The following SDK1 variants were observed in gnomAD, a reference collection of about 807,000 sequenced individuals.
SDK1 encodes protein sidekick-1.
Under a neutral mutation model 245.5 loss-of-function variants are expected in SDK1, and 157 were observed. That is an observed-to-expected ratio of 0.64 (90% CI 0.56 to 0.73). The LOEUF is 0.73. Ranked by LOEUF, SDK1 falls within the 30% of genes least tolerant of loss-of-function variation. The probability of loss-of-function intolerance (pLI) is 0.00; values close to 1 mark genes in which losing one functional copy is unlikely to be tolerated. For synonymous variants in SDK1, 1,647 were observed against 1,278.5 expected (o/e 1.29, Z -6.15); for missense variants, 3,583 against 3,002.3 (o/e 1.19, Z -4.52).
chr7:4,227,474 C>T (rs572745721), intron 40 of SDK1: 32 of 468,626 alleles, frequency 6.8e-5, no homozygotes, highest in African/African-American at 5.4e-4. Flanking sequence ...GTTTAAGCGC[C>T]ACCAGCTTCA....
intron 1 of SDK1, among the ~76,000 whole-genome samples, chr7:3,611,097 G>A (rs1035433060): frequency 7.2e-5 from 11 of 152,192 alleles, no homozygotes; most frequent in African/African-American, 2.7e-4. Context: ...CAAGGCAGTA[G>A]TAGAGAGAGA....
At chr7:3,959,833 T>A (rs1032636211) in intron 8 of SDK1, among the ~76,000 whole-genome samples, 2 of 152,176 alleles carry the variant, frequency 1.3e-5, no homozygotes, top group South Asian at 4.2e-4. Context: ...CCCCTTTTCC[T>A]TTGCCATTCA....
At position 4,267,734 on chromosome 7, in the gene SDK1, C is replaced by G. The variant is rs1788556769; in HGVS notation, c.*2350C>G. On this transcript the variant is annotated 3_prime_UTR_variant, in exon 45 of 45. Transcript: ENST00000404826. Reference sequence around the variant, plus strand: ...TCGGGTTTTCGATACAACATCATGACACTTCTGTTTCAAGCTCATGTTTTC... The same window carrying G: ...TCGGGTTTTCGATACAACATCATGAGACTTCTGTTTCAAGCTCATGTTTTC... 1.1e-5 allele frequency: 11 copies of G among 985,468 alleles called. No homozygotes were observed. Among genetic ancestry groups the G allele is most frequent in the Non-Finnish European group, 1.3e-5 (11 of 829,970 alleles). The allele number at this position is 985,468 out of a possible 1,614,324, so 61.0% of individuals were successfully genotyped here.
intron 44 of SDK1, among the ~76,000 whole-genome samples, chr7:4,248,930 T>G (rs955791643): frequency 1.4e-5 from 2 of 147,550 alleles, no homozygotes; most frequent in Non-Finnish European, 2.9e-5. Flanking sequence ...TACACATATG[T>G]ACATACATGC....
chr7:3,762,176 A>G (rs537119218), intron 4 of SDK1, among the ~76,000 whole-genome samples: 8 of 152,328 alleles, frequency 5.3e-5, no homozygotes, highest in East Asian at 3.9e-4. Flanking sequence ...TCCTACAACA[A>G]TCCTTTCAGC....
At chr7:3,605,277 G>C (rs893802024) in intron 1 of SDK1, among the ~76,000 whole-genome samples, 2 of 152,188 alleles carry the variant, frequency 1.3e-5, no homozygotes, top group African/African-American at 4.8e-5. Flanking sequence ...AGGCTGTCAG[G>C]AAGTTTTTAC....
intron 35 of SDK1, among the ~76,000 whole-genome samples, chr7:4,195,404 C>G (rs1783518253): frequency 6.6e-6 from 1 of 152,174 alleles, no homozygotes; most frequent in Non-Finnish European, 1.5e-5. Flanking sequence ...CCGCTTCTCT[C>G]TGGGGTTTCT....
At chr7:3,538,570 C>A (rs1280935060) in intron 1 of SDK1, among the ~76,000 whole-genome samples, 1 of 152,198 alleles carries the variant, frequency 6.6e-6, no homozygotes. Context: ...CCCCACTTAC[C>A]TAGGCAGGCC....
At chr7:3,537,866 T>G (rs1315513021) in intron 1 of SDK1, among the ~76,000 whole-genome samples, 1 of 152,172 alleles carries the variant, frequency 6.6e-6, no homozygotes, top group Non-Finnish European at 1.5e-5. Context: ...CGTGCACAAA[T>G]CCAGGTAATC....
At chr7:4,096,065 C>A (rs1288901256) in intron 22 of SDK1, among the ~76,000 whole-genome samples, 1 of 152,228 alleles carries the variant, frequency 6.6e-6, no homozygotes, top group African/African-American at 2.4e-5. Context: ...TGAAATGTAG[C>A]TGTAAAGCGT....
intron 1 of SDK1, among the ~76,000 whole-genome samples, chr7:3,306,533 T>C (rs1476944464): frequency 1.3e-5 from 2 of 152,212 alleles, no homozygotes; most frequent in African/African-American, 4.8e-5. Flanking sequence ...TTTTATTAGT[T>C]TGCCTTAGCA....
At chr7:3,601,087 T>C (rs2128638750) in intron 1 of SDK1, among the ~76,000 whole-genome samples, 1 of 152,270 alleles carries the variant, frequency 6.6e-6, no homozygotes, top group South Asian at 2.1e-4. Flanking sequence ...CTTAGTTGCA[T>C]ATACGTTATT....
chr7:3,437,755 A>C (rs1327774826), intron 1 of SDK1, among the ~76,000 whole-genome samples: 1 of 152,204 alleles, frequency 6.6e-6, no homozygotes, highest in Non-Finnish European at 1.5e-5. Context: ...TCTCTGCCAA[A>C]AAATTAATAA....
intron 1 of SDK1, among the ~76,000 whole-genome samples, chr7:3,362,377 G>C (rs77099430): frequency 0.011 from 1,698 of 152,140 alleles, 44 homozygotes; most frequent in African/African-American, 0.039. Flanking sequence ...TTCTCTTTTT[G>C]TTATCGTGGT....
At chr7:3,885,455 A>C (rs549932241) in intron 5 of SDK1, among the ~76,000 whole-genome samples, 2 of 152,112 alleles carry the variant, frequency 1.3e-5, no homozygotes, top group South Asian at 4.2e-4. Flanking sequence ...TGTTTATTGT[A>C]CGTTATTATC....
intron 35 of SDK1, among the ~76,000 whole-genome samples, chr7:4,193,595 G>C (rs957875330): frequency 6.6e-6 from 1 of 151,478 alleles, no homozygotes; most frequent in African/African-American, 2.4e-5. Context: ...ATTCTTTTTC[G>C]GTCCATGCCC....
At position 3,409,503 on chromosome 7, in the gene SDK1, T is replaced by A. The variant is rs370519142; in HGVS notation, c.298+107619T>A. ...TACTGCTTCTATTTTCATCAAATTT[T>A]ATACAAATTACACCGTTTTTCCGCA... On this transcript the variant is annotated intron_variant, in intron 1 of 44. Transcript: ENST00000404826. Among the ~76,000 whole-genome samples the A allele has an allele frequency of 3.9e-5, 6 of 152,192 alleles. No individual in the cohort carries two copies. The East Asian group carries it at 1.2e-3, about 29-fold the overall frequency.
intron 1 of SDK1, among the ~76,000 whole-genome samples, chr7:3,536,576 C>G (rs1353016452): frequency 6.6e-6 from 1 of 151,936 alleles, no homozygotes; most frequent in Non-Finnish European, 1.5e-5. Flanking sequence ...CCCCTGTGAT[C>G]CCAGCTACTT....
chr7:3,588,423 A>G (rs185555516), intron 1 of SDK1, among the ~76,000 whole-genome samples: 2 of 152,346 alleles, frequency 1.3e-5, no homozygotes, highest in Admixed American at 6.5e-5. Flanking sequence ...ACAAAAAACA[A>G]CAGACACAAA....
Sources: allele counts gnomAD v4.1 joint callset (sites outside exome capture counted in the v4.1 genomes callset), GRCh38; gene constraint gnomAD v4.1.1; transcripts MANE v1.5; gene names NCBI Gene and HGNC (gene_info 2026-07-23, HGNC 2026-07-21).